EPHB2: variants seen among roughly 807,000 people sequenced by gnomAD.
EPHB2 encodes the protein ephrin type-B receptor 2.
EPHB2 carries 18 observed loss-of-function variants against 96.4 expected under a neutral mutation model. The ratio of observed to expected loss-of-function variants is 0.19; its 90% CI spans 0.13 to 0.28. The LOEUF is 0.28. Among genes scored for constraint, EPHB2 ranks in the 10% least tolerant of loss-of-function variants. EPHB2 has a pLI of 1.00. For missense variants in EPHB2, 989 were observed against 1,355.4 expected (o/e 0.73, Z 4.25); for synonymous variants, 506 against 534.1 (o/e 0.95, Z 0.72).
rs199952765 is a variant in EPHB2, at chr1:22,912,423, G to A, written c.2697-21G>A. On this transcript the variant is annotated intron_variant, in intron 14 of 15. Coordinates refer to ENST00000374630, the MANE Select transcript of EPHB2 (RefSeq NM_017449.5). ...GCAAACAGGTGCCCTGACCATCTCTGTCGCCCACCCCCAACCCCAGCATCA... is the reference window on the plus strand; with the variant it reads ...GCAAACAGGTGCCCTGACCATCTCTATCGCCCACCCCCAACCCCAGCATCA... The A allele has an allele frequency of 7.4e-6, 12 of 1,613,582 alleles. No individual in the cohort carries two copies. The East Asian group carries it at 2.5e-4, about 33-fold the overall frequency.
chr1:22,813,761 C>G (rs527257336), intron 3 of EPHB2, among the ~76,000 whole-genome samples: 1 of 152,228 alleles, frequency 6.6e-6, no homozygotes, highest in Non-Finnish European at 1.5e-5. Flanking sequence ...AGTTAGGGAG[C>G]CTTCACAGCC....
intron 3 of EPHB2, among the ~76,000 whole-genome samples, chr1:22,828,137 C>G (rs890391479): frequency 2.6e-5 from 4 of 152,202 alleles, no homozygotes; most frequent in African/African-American, 9.7e-5. Flanking sequence ...TAGCCACCCC[C>G]ACTCAGTTCT....
chr1:22,882,607 G>A, intron 6 of EPHB2, 124 bp downstream of exon 6: 1 of 1,495,332 alleles, frequency 6.7e-7, no homozygotes. Context: ...AAGAGCACTG[G>A]CCTTGGAGTC....
chr1:22,782,533 T>C (rs1557670771), intron 2 of EPHB2, among the ~76,000 whole-genome samples: 1 of 151,530 alleles, frequency 6.6e-6, no homozygotes, highest in Non-Finnish European at 1.5e-5. Context: ...CTCTTTCTTG[T>C]CACCAATTTT....
intron 3 of EPHB2, among the ~76,000 whole-genome samples, chr1:22,855,825 A>T (rs1190196194): frequency 6.6e-6 from 1 of 152,198 alleles, no homozygotes; most frequent in African/African-American, 2.4e-5. Flanking sequence ...AGGCACAGAG[A>T]GGTTAGGTAA....
chr1:22,812,803 T>C (rs1645021789), intron 3 of EPHB2, among the ~76,000 whole-genome samples: 1 of 152,212 alleles, frequency 6.6e-6, no homozygotes, highest in Admixed American at 6.5e-5. Flanking sequence ...GAGTCGAGCA[T>C]TGCCGTCTTC....
At chr1:22,857,255 A>G (rs1445277128) in intron 3 of EPHB2, among the ~76,000 whole-genome samples, 1 of 152,140 alleles carries the variant, frequency 6.6e-6, no homozygotes, top group East Asian at 1.9e-4. Flanking sequence ...ACAACCAATC[A>G]GGGCTTCTTT....
chr1:22,864,840 G>T, intron 4 of EPHB2, 37 bp from the exon 5 acceptor site: 1 of 1,392,290 alleles, frequency 7.2e-7, no homozygotes. Context: ...AGTACCCCCT[G>T]AGCCCCCCAC....
intron 3 of EPHB2, among the ~76,000 whole-genome samples, chr1:22,830,510 GCCA>G (rs1645289484): frequency 6.6e-6 from 1 of 152,198 alleles, no homozygotes; most frequent in Non-Finnish European, 1.5e-5. Flanking sequence ...CCCTCACAGG[GCCA>G]CCAGGAGGCA....
intron 1 of EPHB2, among the ~76,000 whole-genome samples, chr1:22,761,937 G>A (rs1644241510): frequency 6.6e-6 from 1 of 152,242 alleles, no homozygotes; most frequent in South Asian, 2.1e-4. Context: ...GCGCATCTCT[G>A]CCTGTCGTTG....
intron 1 of EPHB2, among the ~76,000 whole-genome samples, chr1:22,734,486 A>G (rs527240151): frequency 1.3e-5 from 2 of 150,798 alleles, no homozygotes; most frequent in South Asian, 4.2e-4. Context: ...CAGTGGCGCA[A>G]TCTCTGCTCA....
chr1:22,871,560 C>G (rs1186192643), intron 5 of EPHB2, among the ~76,000 whole-genome samples: 1 of 152,152 alleles, frequency 6.6e-6, no homozygotes, highest in African/African-American at 2.4e-5. Flanking sequence ...TACAGCTTTG[C>G]TAGATGGTTG....
intron 3 of EPHB2, among the ~76,000 whole-genome samples, chr1:22,810,011 C>T (rs1644980724): frequency 6.6e-6 from 1 of 152,164 alleles, no homozygotes; most frequent in Non-Finnish European, 1.5e-5. Flanking sequence ...TAGGAGTCTG[C>T]CTGGTGGAGA....
Position 22,785,067 on chromosome 1 carries a change from G to A in EPHB2, c.802G>A (p.Val268Ile), listed in dbSNP as rs369702152. 1.7e-5 allele frequency: 28 copies of A among 1,613,406 alleles called. No homozygotes were observed. Among genetic ancestry groups the A allele is most frequent in the Middle Eastern group, 1.6e-4 (1 of 6,084 alleles). Residue 268 changes from valine (V) to isoleucine (I), a missense_variant, in exon 3 of 16, where the codon GTC becomes ATC. By Grantham distance (29) the Val-to-Ile change is conservative. Transcript: ENST00000374630. Reference sequence around the variant, plus strand: ...CTTCGAGGCCGTTGAGAATGGCACCGTCTGCCGAGGTAAGGGCCAGGGTGG... The same window carrying A: ...CTTCGAGGCCGTTGAGAATGGCACCATCTGCCGAGGTAAGGGCCAGGGTGG... The part of the protein sequence containing the change: ...AGFEAVENGT[V>I]CRGCPSGTFK...
rs1269361636 is a variant in EPHB2, at chr1:22,920,845, T to C, written c.*7275T>C. The C allele has an allele frequency of 6.6e-6, 1 of 152,262 alleles. No homozygotes were observed. Among genetic ancestry groups the C allele is most frequent in the East Asian group, 1.9e-4 (1 of 5,196 alleles). 9.4% of individuals were successfully genotyped at this position (152,262 alleles called of 1,614,324 possible). On this transcript the variant is annotated 3_prime_UTR_variant, in exon 16 of 16. Transcript: ENST00000374630. The stretch of plus-strand genomic sequence containing the variant: ...GTGCCAGGCACCGTGCCCAACTTTT[T>C]ATACACAATGTCTTGCCTAATCCTC...
intron 3 of EPHB2, among the ~76,000 whole-genome samples, chr1:22,802,477 C>T (rs535038983): frequency 7.6e-4 from 115 of 152,266 alleles, no homozygotes; most frequent in Middle Eastern, 3.4e-3. Flanking sequence ...ACCAGCCACC[C>T]CTTGGCAGGG....
rs761384683 is a variant in EPHB2, at chr1:22,895,527, C to T, written c.1647C>T (p.Ala549=). ...TGCCACTCATCATCGGCTCCTCGGCCGCTGGCCTGGTCTTCCTCATTGCTG... is the reference window on the plus strand; with the variant it reads ...TGCCACTCATCATCGGCTCCTCGGCTGCTGGCCTGGTCTTCCTCATTGCTG... ...EKLPLIIGSS[A]AGLVFLIAVV... is the part of the protein sequence containing the mutation. The change falls in exon 8 of 16, where the codon GCC becomes GCT. Residue 549 remains alanine (A), a synonymous_variant. Coordinates refer to ENST00000374630, the MANE Select transcript of EPHB2 (RefSeq NM_017449.5). 1.2e-5 allele frequency: 19 copies of T among 1,614,250 alleles called. No homozygotes were observed. The highest frequency in any genetic ancestry group is 3.3e-4 in the Middle Eastern group (2 of 6,062).
chr1:22,769,961 A>G (rs369843111), intron 1 of EPHB2, among the ~76,000 whole-genome samples: 8 of 152,256 alleles, frequency 5.3e-5, no homozygotes, highest in South Asian at 2.1e-4. Flanking sequence ...TTGGTGGTGT[A>G]AGGATAGACA....
rs182179498 is a variant in EPHB2 at position 22,849,860 on chromosome 1, C to A, written c.812-13177C>A. Among the ~76,000 whole-genome samples the A allele has an allele frequency of 5.3e-5, 8 of 152,344 alleles. No homozygotes were observed. The East Asian group carries it at 1.5e-3, about 29-fold the overall frequency. Reference sequence around the variant, plus strand: ...CTGCACAGGCCCAGGCCTGCAGAACCCACACTGAAAAAGTTCACAGGTGCC... The same window carrying A: ...CTGCACAGGCCCAGGCCTGCAGAACACACACTGAAAAAGTTCACAGGTGCC... On this transcript the variant is annotated intron_variant, in intron 3 of 15. Coordinates refer to ENST00000374630, the MANE Select transcript of EPHB2 (RefSeq NM_017449.5).
Sources: allele counts gnomAD v4.1 joint callset (sites outside exome capture counted in the v4.1 genomes callset), GRCh38; gene constraint gnomAD v4.1.1; transcripts MANE v1.5; gene names NCBI Gene and HGNC (gene_info 2026-07-23, HGNC 2026-07-21).